The following UNC5B variants were observed in gnomAD, a reference collection of about 807,000 sequenced individuals.
UNC5B encodes netrin receptor UNC5B.
In UNC5B, 56 loss-of-function variants were observed where a neutral mutation model predicts 103.7. The ratio of observed to expected loss-of-function variants is 0.54; its 90% CI spans 0.44 to 0.67. UNC5B has a LOEUF of 0.67. UNC5B is among the 30% of genes least tolerant of loss of function. The pLI is 0.00. For missense variants in UNC5B, 1,194 were observed against 1,284.5 expected, an observed-to-expected ratio of 0.93 and a Z score of 1.08; for synonymous variants, 577 against 542.0, an observed-to-expected ratio of 1.06 and a Z score of -0.90.
intron 1 of UNC5B, among the ~76,000 whole-genome samples, chr10:71,215,281 T>C (rs1409994129): frequency 6.6e-6 from 1 of 152,180 alleles, no homozygotes; most frequent in Non-Finnish European, 1.5e-5. Flanking sequence ...TGTGAAGGGC[T>C]CCTGTCCAAT....
chr10:71,215,725 G>A (rs1843315096), intron 1 of UNC5B, among the ~76,000 whole-genome samples: 1 of 152,104 alleles, frequency 6.6e-6, no homozygotes, highest in Non-Finnish European at 1.5e-5. Context: ...GGCTGGGATG[G>A]TTGAGAAGGA....
intron 9 of UNC5B, 63 bp downstream of exon 9, chr10:71,291,172 T>C: frequency 1.3e-6 from 2 of 1,540,724 alleles, no homozygotes. Flanking sequence ...GCTCTGGTGG[T>C]ACCCAGACCA....
At chr10:71,297,279 G>A (rs116719020) in intron 15 of UNC5B, among the ~76,000 whole-genome samples, 5,350 of 152,314 alleles carry the variant, frequency 0.035, 145 homozygotes, top group African/African-American at 0.079. Flanking sequence ...CAAGCACCGG[G>A]AGATGCATGA....
chr10:71,264,856 G>A lies in UNC5B; in HGVS notation c.80-14965G>A, dbSNP rs185988571. 1.6e-4 allele frequency among the ~76,000 whole-genome samples: 25 copies of A among 152,106 alleles called. No individual in the cohort carries two copies. In the East Asian group the frequency reaches 1.9e-3, roughly 12 times the overall value. On this transcript the variant is annotated intron_variant, in intron 1 of 16. Transcript: ENST00000335350. ...AAGGTTAAAGAGGATGGACTTGGCC[G>A]GGCGCCATGGCTCGTACCTGTAATC...
chr10:71,283,470 C>G (rs745924950), intron 2 of UNC5B, among the ~76,000 whole-genome samples: 2 of 152,198 alleles, frequency 1.3e-5, no homozygotes, highest in Non-Finnish European at 2.9e-5. Flanking sequence ...GGCCAGGACA[C>G]AAACCTGTCC....
At chr10:71,250,648 G>A (rs1021848768) in intron 1 of UNC5B, among the ~76,000 whole-genome samples, 1 of 152,212 alleles carries the variant, frequency 6.6e-6, no homozygotes, top group Non-Finnish European at 1.5e-5. Flanking sequence ...GTCTGCTGTG[G>A]TGTGGGATGG....
At chr10:71,293,638 C>T in intron 12 of UNC5B, 62 bp from the exon 13 acceptor site, 1 of 1,608,412 alleles carries the variant, frequency 6.2e-7, no homozygotes, top group Non-Finnish European at 8.5e-7. Context: ...AAAGAAAGCC[C>T]TTTTCCTCTG....
At chr10:71,251,326 TTGTA>T (rs1386629822) in intron 1 of UNC5B, among the ~76,000 whole-genome samples, 1 of 152,204 alleles carries the variant, frequency 6.6e-6, no homozygotes. Flanking sequence ...GCTGTAGTCT[TTGTA>T]TGTCTTCATG....
chr10:71,248,691 T>C (rs1844099265), intron 1 of UNC5B, among the ~76,000 whole-genome samples: 2 of 152,062 alleles, frequency 1.3e-5, no homozygotes, highest in Non-Finnish European at 2.9e-5. Flanking sequence ...AAGGTCTTTG[T>C]TTTCAAAGTG....
chr10:71,273,311 C>T (rs1451705313), intron 1 of UNC5B, among the ~76,000 whole-genome samples: 4 of 152,244 alleles, frequency 2.6e-5, no homozygotes, highest in African/African-American at 4.8e-5. Context: ...AACTGAGGCT[C>T]TGAGAGGTCA....
At chr10:71,271,966 C>T (rs995775304) in intron 1 of UNC5B, among the ~76,000 whole-genome samples, 7 of 152,096 alleles carry the variant, frequency 4.6e-5, no homozygotes, top group Non-Finnish European at 7.4e-5. Context: ...CCATTGTGAC[C>T]GCCTCCGAGG....
chr10:71,243,747 G>A (rs987642282), intron 1 of UNC5B, among the ~76,000 whole-genome samples: 2 of 152,206 alleles, frequency 1.3e-5, no homozygotes, highest in Non-Finnish European at 2.9e-5. Context: ...AGGAAAATCA[G>A]AACCACAGCT....
At chr10:71,227,603 C>CATATATACAT (rs1185567402) in intron 1 of UNC5B, among the ~76,000 whole-genome samples, 2,860 of 120,784 alleles carry the variant, frequency 0.024, 153 homozygotes, top group African/African-American at 0.096. Flanking sequence ...TGTATACATA[C>CATATATACAT]ATATATACAT....
rs1446854411 is a variant in UNC5B, at chr10:71,302,628, G to A, written c.*3351G>A. 1 of 152,032 alleles carries A rather than the reference G, an allele frequency of 6.6e-6. No homozygotes were observed. Among genetic ancestry groups the A allele is most frequent in the Non-Finnish European group, 1.5e-5 (1 of 68,010 alleles). The allele number at this position is 152,032 out of a possible 1,614,324, so 9.4% of individuals were successfully genotyped here. ...CTAGGCAGCTGAGCCGGGTCCCTTAGGGGAGGTGACCAGGAGCTTTGGTGC... is the reference window on the plus strand; with the variant it reads ...CTAGGCAGCTGAGCCGGGTCCCTTAAGGGAGGTGACCAGGAGCTTTGGTGC... On this transcript the variant is annotated 3_prime_UTR_variant, in exon 17 of 17. Coordinates refer to ENST00000335350, the MANE Select transcript of UNC5B (RefSeq NM_170744.5).
At chr10:71,295,789 T>TC in intron 13 of UNC5B, 22 bp from the exon 14 acceptor site, 1 of 1,608,142 alleles carries the variant, frequency 6.2e-7, no homozygotes. Flanking sequence ...GGGTTCCCCT[T>TC]CCCCATGCCC....
intron 1 of UNC5B, among the ~76,000 whole-genome samples, chr10:71,254,751 C>T (rs1004609561): frequency 3.9e-5 from 6 of 152,232 alleles, no homozygotes; most frequent in African/African-American, 1.4e-4. Context: ...TAGGTTCCAG[C>T]TGTGCACGTG....
chr10:71,263,295 C>T (rs1281803779), intron 1 of UNC5B, among the ~76,000 whole-genome samples: 1 of 152,240 alleles, frequency 6.6e-6, no homozygotes, highest in African/African-American at 2.4e-5. Context: ...GCCTCAGTTT[C>T]CTCATCTGTC....
rs1206047153 is a variant in UNC5B at position 71,265,776 on chromosome 10, T to C, written c.80-14045T>C. Among the ~76,000 whole-genome samples the C allele has an allele frequency of 2.6e-5, 4 of 152,100 alleles. No individual in the cohort carries two copies. In the East Asian group the frequency reaches 5.8e-4, roughly 22 times the overall value. ...CCTTCCCTGTGCTTCCACTGCTTGGTAAGGGCCTGCCCAGCCTCTGGGAAC... is the reference window on the plus strand; with the variant it reads ...CCTTCCCTGTGCTTCCACTGCTTGGCAAGGGCCTGCCCAGCCTCTGGGAAC... On this transcript the variant is annotated intron_variant, in intron 1 of 16. Coordinates refer to ENST00000335350, the MANE Select transcript of UNC5B (RefSeq NM_170744.5).
At chr10:71,244,564 A>G (rs1226732719) in intron 1 of UNC5B, among the ~76,000 whole-genome samples, 2 of 152,190 alleles carry the variant, frequency 1.3e-5, no homozygotes, top group African/African-American at 2.4e-5. Flanking sequence ...GCCCCTACTC[A>G]GGCCCCTGCT....
Sources: allele counts gnomAD v4.1 joint callset (sites outside exome capture counted in the v4.1 genomes callset), GRCh38; gene constraint gnomAD v4.1.1; transcripts MANE v1.5; gene names NCBI Gene and HGNC (gene_info 2026-07-23, HGNC 2026-07-21).